MTBP: variants seen among roughly 807,000 people sequenced by gnomAD.
The protein encoded by MTBP is mdm2-binding protein.
MTBP carries 101 observed loss-of-function variants against 117.0 expected under a neutral mutation model. The ratio of observed to expected loss-of-function variants is 0.86; its 90% CI spans 0.73 to 1.02. MTBP has a LOEUF of 1.02. Among genes scored for constraint, MTBP ranks in the 50% least tolerant of loss-of-function variants. The pLI is 0.00. For missense variants in MTBP, 970 were observed against 1,030.9 expected (o/e 0.94, Z 0.81); for synonymous variants, 350 against 351.5 (o/e 1.00, Z 0.05).
chr8:120,488,193 C>G lies in MTBP; in HGVS notation c.1200C>G (p.Ser400Arg). The G allele has an allele frequency of 1.9e-6, 3 of 1,589,046 alleles. No homozygotes were observed. The highest frequency in any genetic ancestry group is 2.6e-6 in the Non-Finnish European group (3 of 1,171,422). Residue 400 changes from serine (S) to arginine (R), a missense_variant, in exon 12 of 22, where the codon AGC (serine) becomes AGG (arginine). Transcript: ENST00000305949. ...TTGAAGTGAAAGGAGAGTGTTCTAG[C>G]TATTATCTCTTGTTACAAGGTAATG... ...PDVEVKGECS[S>R]YYLLLQGNGN... is the part of the protein sequence containing the mutation.
chr8:120,499,473 TG>T (rs1421598242), intron 14 of MTBP, among the ~76,000 whole-genome samples: 1 of 152,188 alleles, frequency 6.6e-6, no homozygotes, highest in East Asian at 1.9e-4. Context: ...TTTTAGAAAC[TG>T]AACTGAAATT....
intron 17 of MTBP, among the ~76,000 whole-genome samples, chr8:120,513,037 C>T (rs796523654): frequency 6.6e-6 from 1 of 152,088 alleles, no homozygotes; most frequent in South Asian, 2.1e-4. Context: ...TTTTTTAAGG[C>T]AAGTTAAAAT....
At chr8:120,468,960 A>G (rs1813757881) in intron 10 of MTBP, among the ~76,000 whole-genome samples, 1 of 152,168 alleles carries the variant, frequency 6.6e-6, no homozygotes, top group Non-Finnish European at 1.5e-5. Flanking sequence ...ATAAGGGAAG[A>G]TGACACTTCA....
chr8:120,476,982 C>T (rs183727984), intron 11 of MTBP, among the ~76,000 whole-genome samples: 7 of 152,264 alleles, frequency 4.6e-5, no homozygotes, highest in East Asian at 1.9e-4. Context: ...GGAGGCATCA[C>T]GCTACATGAC....
At chr8:120,446,246 C>G (rs963248762) in intron 1 of MTBP, among the ~76,000 whole-genome samples, 187 bp from the exon 2 acceptor site, 1 of 152,132 alleles carries the variant, frequency 6.6e-6, no homozygotes, top group African/African-American at 2.4e-5. Context: ...ATGTACAGAT[C>G]GGGAGCCTTT....
chr8:120,488,046 G>A (rs1412032582), intron 11 of MTBP, 113 bp from the exon 12 acceptor site: 2 of 797,716 alleles, frequency 2.5e-6, no homozygotes, highest in Non-Finnish European at 3.7e-6. Flanking sequence ...TGTATTAACA[G>A]CTTGTTTTAA....
In MTBP at chr8:120,488,266, AATGGCTC is replaced by A; in HGVS notation, c.1276_1282del (p.Gly426LeufsTer5). The A allele has an allele frequency of 6.3e-7, 1 of 1,586,946 alleles. No individual in the cohort carries two copies. The highest frequency in any genetic ancestry group is 1.2e-5 in the South Asian group (1 of 85,086). ...ATTGATTCACTCAGCCAACCAGATC[AATGGCTC>A]ATTTGCACTCAATTTAATTCATGGA... On this transcript the variant is annotated frameshift_variant, in exon 12 of 22. Coordinates refer to ENST00000305949, the MANE Select transcript of MTBP (RefSeq NM_022045.5). LOFTEE classifies it high-confidence loss of function.
intron 20 of MTBP, among the ~76,000 whole-genome samples, chr8:120,520,282 T>C (rs1814991016): frequency 6.6e-6 from 1 of 151,826 alleles, no homozygotes; most frequent in East Asian, 1.9e-4. Context: ...GCATAAAACA[T>C]GAAAGCTCCA....
At chr8:120,486,048 A>T (rs573202064) in intron 11 of MTBP, among the ~76,000 whole-genome samples, 2 of 152,174 alleles carry the variant, frequency 1.3e-5, no homozygotes, top group Non-Finnish European at 2.9e-5. Context: ...ACTGGGGCTT[A>T]AATTGTTCCA....
At chr8:120,456,814 T>G in intron 7 of MTBP, 144 bp downstream of exon 7, 1 of 618,692 alleles carries the variant, frequency 1.6e-6, no homozygotes, top group Non-Finnish European at 2.8e-6. Context: ...AATTAAATGT[T>G]CTATATCTGT....
At chr8:120,506,672 C>G (rs769042280) in intron 15 of MTBP, 34 bp from the exon 16 acceptor site, 2 of 1,480,320 alleles carry the variant, frequency 1.4e-6, no homozygotes, top group Non-Finnish European at 1.8e-6. Context: ...ATTGAATCCA[C>G]TTTTAATAAA....
chr8:120,469,349 T>C (rs547486232), intron 10 of MTBP, among the ~76,000 whole-genome samples: 2 of 152,156 alleles, frequency 1.3e-5, no homozygotes, highest in Non-Finnish European at 2.9e-5. Context: ...CCTGGCCTTA[T>C]TGAGCTTTCT....
rs2130507434 is a variant in MTBP at position 120,450,967 on chromosome 8, A to G, written c.200-36A>G. ...GCTGTGTCATCTGCTTATTTATGGT[A>G]TGCCTTTTTAATAATAATGTGGTTT... is the stretch of plus-strand genomic sequence containing the variant. On this transcript the variant is annotated intron_variant, in intron 2 of 21. Transcript: ENST00000305949. 2.7e-6 allele frequency: 4 copies of G among 1,467,794 alleles called. No homozygotes were observed. In the East Asian group the frequency reaches 6.8e-5, roughly 25 times the overall value. 90.9% of individuals were successfully genotyped at this position (1,467,794 alleles called of 1,614,324 possible).
intron 14 of MTBP, among the ~76,000 whole-genome samples, chr8:120,502,016 A>T (rs115897027): frequency 0.014 from 2,077 of 152,330 alleles, 42 homozygotes; most frequent in African/African-American, 0.046. Flanking sequence ...ACATCAGAAC[A>T]TCATAACTTA....
intron 2 of MTBP, among the ~76,000 whole-genome samples, chr8:120,450,113 C>A (rs532827056): frequency 6.6e-6 from 1 of 152,014 alleles, no homozygotes; most frequent in African/African-American, 2.4e-5. Context: ...AGGGAGCAGA[C>A]TGAAATGCAG....
intron 11 of MTBP, among the ~76,000 whole-genome samples, chr8:120,482,884 A>G (rs1814119793): frequency 1.3e-5 from 2 of 151,896 alleles, no homozygotes; most frequent in African/African-American, 4.8e-5. Context: ...TATTTTTAGT[A>G]GAGATGGGGT....
At chr8:120,466,533 A>G (rs1586945467) in intron 10 of MTBP, among the ~76,000 whole-genome samples, 2 of 151,734 alleles carry the variant, frequency 1.3e-5, no homozygotes, top group Non-Finnish European at 2.9e-5. Flanking sequence ...ACATTTTTGA[A>G]AAAGTGTTTA....
Position 120,516,182 on chromosome 8 carries a change from C to T in MTBP, c.2237C>T (p.Pro746Leu). 1 of 1,609,168 alleles carries T rather than the reference C, an allele frequency of 6.2e-7. No homozygotes were observed. The highest frequency in any genetic ancestry group is 8.5e-7 in the Non-Finnish European group (1 of 1,176,834). Residue 746 changes from proline to leucine, a missense_variant, in exon 18 of 22, where the codon CCC (proline) becomes CTC (leucine). Physicochemically the swap from Pro to Leu is moderately conservative, Grantham distance 98. Transcript: ENST00000305949. The part of the protein sequence containing the change: ...RRSKDLNCLY[P>L]RKRLVKSESS... ...TCTAAAGATCTGAATTGCCTTTATC[C>T]CAGAAAAAGGTGATATATTACATGC...
At chr8:120,476,530 C>T (rs1813943225) in intron 11 of MTBP, among the ~76,000 whole-genome samples, 1 of 152,094 alleles carries the variant, frequency 6.6e-6, no homozygotes, top group South Asian at 2.1e-4. Flanking sequence ...CCAAAATCTC[C>T]TTAAGCTGAT....
Sources: allele counts gnomAD v4.1 joint callset (sites outside exome capture counted in the v4.1 genomes callset), GRCh38; gene constraint gnomAD v4.1.1; transcripts MANE v1.5; gene names NCBI Gene and HGNC (gene_info 2026-07-23, HGNC 2026-07-21).